POC1B: variants seen among roughly 807,000 people sequenced by gnomAD.
POC1B encodes POC1 centriolar protein B, also known as POC1 centriolar protein homolog B.
A neutral mutation model predicts 60.6 loss-of-function variants in POC1B; 44 were observed. The ratio of observed to expected loss-of-function variants is 0.73; its 90% CI spans 0.57 to 0.93. The LOEUF (loss-of-function observed/expected upper bound fraction) is 0.93. POC1B is among the 40% of genes least tolerant of loss of function. POC1B has a pLI of 0.00. For missense variants in POC1B, 555 were observed against 572.3 expected (o/e 0.97, Z 0.31); for synonymous variants, 180 against 198.9 (o/e 0.90, Z 0.80).
chr12:89,455,977 T>C (rs1882237042), intron 10 of POC1B, among the ~76,000 whole-genome samples: 1 of 152,030 alleles, frequency 6.6e-6, no homozygotes. Flanking sequence ...TTAAGATAAA[T>C]TTTATTTACA....
intron 9 of POC1B, chr12:89,461,680 AG>A (rs1228788760): frequency 6.6e-6 from 1 of 152,208 alleles, no homozygotes; most frequent in Non-Finnish European, 1.5e-5. Flanking sequence ...ATAATTATCC[AG>A]CCAGTGTGTT....
chr12:89,448,536 T>C (rs1427251446), intron 10 of POC1B, among the ~76,000 whole-genome samples: 5 of 152,276 alleles, frequency 3.3e-5, no homozygotes, highest in African/African-American at 1.2e-4. Context: ...TGAAAATTAG[T>C]GACAGGGCAG....
intron 2 of POC1B, chr12:89,521,784 G>GC (rs1565762457): frequency 2.6e-6 from 1 of 381,482 alleles, no homozygotes; most frequent in Non-Finnish European, 4.6e-6. Context: ...ATTCACAATT[G>GC]CCAAGGCAGT....
At chr12:89,435,902 T>G (rs1881241050) in intron 10 of POC1B, among the ~76,000 whole-genome samples, 1 of 151,912 alleles carries the variant, frequency 6.6e-6, no homozygotes, top group East Asian at 1.9e-4. Context: ...TGTGTGTGTA[T>G]GAACATACAC....
chr12:89,519,122 T>A (rs888299262), intron 2 of POC1B, among the ~76,000 whole-genome samples: 2 of 152,198 alleles, frequency 1.3e-5, no homozygotes, highest in African/African-American at 4.8e-5. Context: ...GGTGCTAATA[T>A]GTCCAGGTGC....
chr12:89,491,967 A>C lies in POC1B; in HGVS notation c.421T>G (p.Tyr141Asp). 1 of 1,581,052 alleles carries C rather than the reference A, an allele frequency of 6.3e-7. No individual in the cohort carries two copies. Among genetic ancestry groups the C allele is most frequent in the Non-Finnish European group, 8.6e-7 (1 of 1,168,282 alleles). Residue 141 changes from tyrosine to aspartate, a missense_variant, in exon 4 of 12, where the codon TAT becomes GAT. Tyr to Asp is a radical substitution (Grantham distance 160, BLOSUM62 -3). Coordinates refer to ENST00000313546, the MANE Select transcript of POC1B (RefSeq NM_172240.3). ...CAGCGTACCCAGTGTGTATGTCGAT[A>C]CAAGGAATACAGGAAGCGCTGGCGA... ...MYRQRFLYSL[Y>D]RHTHWVRCAK... is the part of the protein sequence containing the mutation.
intron 10 of POC1B, chr12:89,428,688 C>G (rs1880882621): frequency 6.6e-6 from 1 of 152,304 alleles, no homozygotes; most frequent in African/African-American, 2.4e-5. Context: ...TCCCGAGTAG[C>G]TGGGACTACA....
the POC1B span, among the ~76,000 whole-genome samples, chr12:89,404,534 T>A: frequency 6.6e-6 from 1 of 151,940 alleles, no homozygotes. Context: ...AGAATAGGAG[T>A]CCTGTGGCTG....
intron 10 of POC1B, among the ~76,000 whole-genome samples, chr12:89,431,300 AG>A: frequency 6.6e-6 from 1 of 152,358 alleles, no homozygotes; most frequent in Non-Finnish European, 1.5e-5. Context: ...CCATTATTGA[AG>A]GTTCTAAAAT....
intron 2 of POC1B, chr12:89,501,342 C>A (rs1316805022): frequency 3.5e-5 from 35 of 991,712 alleles, no homozygotes; most frequent in South Asian, 7.9e-5. Flanking sequence ...CATCTGGAAG[C>A]AAAAGGACTA....
At chr12:89,486,785 A>C (rs1055824281) in intron 4 of POC1B, among the ~76,000 whole-genome samples, 7 of 152,088 alleles carry the variant, frequency 4.6e-5, no homozygotes, top group African/African-American at 7.2e-5. Context: ...GGGTAAGAAG[A>C]TTTCACTTTT....
At position 89,512,300 on chromosome 12, in the gene POC1B, G is replaced by C. The variant is rs1017694110; in HGVS notation, c.100+12820C>G. On this transcript the variant is annotated intron_variant, in intron 2 of 11. Coordinates refer to ENST00000313546, the MANE Select transcript of POC1B (RefSeq NM_172240.3). ...GTAATTAGCTTGCTAGTATAAGCTGGGTCTAAAGGAGCTGTGGGTGCTTTA... is the reference window on the plus strand; with the variant it reads ...GTAATTAGCTTGCTAGTATAAGCTGCGTCTAAAGGAGCTGTGGGTGCTTTA... 2.6e-5 allele frequency among the ~76,000 whole-genome samples: 4 copies of C among 152,236 alleles called. No homozygotes were observed. The South Asian group carries it at 6.2e-4, about 24-fold the overall frequency.
chr12:89,513,862 G>T (rs1378303031), intron 2 of POC1B, among the ~76,000 whole-genome samples: 1 of 152,178 alleles, frequency 6.6e-6, no homozygotes, highest in Non-Finnish European at 1.5e-5. Context: ...CCAGTCCCTG[G>T]TGCCAAAAAG....
At chr12:89,480,749 C>T (rs780390791) in intron 4 of POC1B, among the ~76,000 whole-genome samples, 3 of 152,046 alleles carry the variant, frequency 2.0e-5, no homozygotes, top group East Asian at 1.9e-4. Flanking sequence ...TACAGGCGCC[C>T]GCCACCTCAC....
At chr12:89,407,438 A>T in the POC1B span, among the ~76,000 whole-genome samples, 102 of 152,070 alleles carry the variant, frequency 6.7e-4, 1 homozygote, top group African/African-American at 2.2e-3. Context: ...GGGTTTCACC[A>T]TGTTGGCCAG....
chr12:89,503,018 T>G (rs1213426425), intron 2 of POC1B, among the ~76,000 whole-genome samples: 1 of 152,200 alleles, frequency 6.6e-6, no homozygotes, highest in Non-Finnish European at 1.5e-5. Context: ...ACATTTGTCT[T>G]TGTAATTACT....
At chr12:89,459,873 G>A in intron 9 of POC1B, 155 bp from the exon 10 acceptor site, 1 of 481,666 alleles carries the variant, frequency 2.1e-6, no homozygotes, top group South Asian at 4.3e-5. Context: ...TAAGCTAAAT[G>A]TTAGCCTACC....
At chr12:89,524,971 C>A in intron 2 of POC1B, 149 bp downstream of exon 2, 2 of 1,269,568 alleles carry the variant, frequency 1.6e-6, no homozygotes, top group Non-Finnish European at 2.2e-6. Context: ...TAGCTGCGCC[C>A]CGCCGCGCTG....
At chr12:89,414,203 A>G in the POC1B span, among the ~76,000 whole-genome samples, 1 of 152,082 alleles carries the variant, frequency 6.6e-6, no homozygotes, top group East Asian at 1.9e-4. Context: ...AATTTTTTCT[A>G]TTCATGTATT....
Sources: allele counts gnomAD v4.1 joint callset (sites outside exome capture counted in the v4.1 genomes callset), GRCh38; gene constraint gnomAD v4.1.1; transcripts MANE v1.5; gene names NCBI Gene and HGNC (gene_info 2026-07-23, HGNC 2026-07-21).